MTHFD1L: variants seen among roughly 807,000 people sequenced by gnomAD.
The protein encoded by MTHFD1L is monofunctional C1-tetrahydrofolate synthase, mitochondrial.
A neutral mutation model predicts 119.5 loss-of-function variants in MTHFD1L; 81 were observed. That is an observed-to-expected ratio of 0.68 (90% CI 0.57 to 0.82). The LOEUF is 0.82. MTHFD1L is among the 40% of genes least tolerant of loss of function. The pLI is 0.00. For synonymous variants in MTHFD1L, 430 were observed against 475.2 expected (o/e 0.90, Z 1.24); for missense variants, 1,125 against 1,253.4 (o/e 0.90, Z 1.55).
intron 4 of MTHFD1L, among the ~76,000 whole-genome samples, chr6:150,880,386 C>T (rs148884657): frequency 2.4e-4 from 36 of 152,316 alleles, no homozygotes; most frequent in African/African-American, 8.7e-4. Context: ...GCTTATTTCA[C>T]TTCATGTTAT....
intron 7 of MTHFD1L, among the ~76,000 whole-genome samples, chr6:150,895,614 T>G (rs1008715052): frequency 2.7e-4 from 5 of 18,686 alleles, no homozygotes; most frequent in African/African-American, 9.8e-4. Flanking sequence ...TTTTTTGTGG[T>G]TTTTTTTTTT....
At chr6:151,051,184 C>T (rs555962937) in intron 26 of MTHFD1L, among the ~76,000 whole-genome samples, 1 of 152,178 alleles carries the variant, frequency 6.6e-6, no homozygotes, top group Non-Finnish European at 1.5e-5. Context: ...TCACCCCTAT[C>T]AGAAATTTCA....
chr6:150,917,368 CAAAAATT>C (rs979366263), intron 8 of MTHFD1L, among the ~76,000 whole-genome samples: 2 of 151,942 alleles, frequency 1.3e-5, no homozygotes, highest in Non-Finnish European at 2.9e-5. Flanking sequence ...ACTAAAAATA[CAAAAATT>C]AGCCGGGAGT....
intron 20 of MTHFD1L, among the ~76,000 whole-genome samples, chr6:151,002,896 G>A (rs1029394974): frequency 4.6e-5 from 7 of 152,154 alleles, no homozygotes; most frequent in Non-Finnish European, 7.4e-5. Flanking sequence ...CCTTGTTGGC[G>A]GGGGGAGGGT....
chr6:150,959,434 A>G (rs1796115724), intron 17 of MTHFD1L, among the ~76,000 whole-genome samples: 1 of 152,230 alleles, frequency 6.6e-6, no homozygotes, highest in Admixed American at 6.5e-5. Flanking sequence ...AGGAGGAGGA[A>G]GTACACATTC....
intron 8 of MTHFD1L, among the ~76,000 whole-genome samples, chr6:150,913,206 G>A (rs562315583): frequency 1.3e-5 from 2 of 152,054 alleles, no homozygotes; most frequent in South Asian, 2.1e-4. Context: ...CCTCCCCCAG[G>A]CTGGAGTGCA....
chr6:151,021,155 C>A (rs1279908534), intron 24 of MTHFD1L, among the ~76,000 whole-genome samples: 1 of 152,212 alleles, frequency 6.6e-6, no homozygotes, highest in Non-Finnish European at 1.5e-5. Context: ...GCCTCAGCAT[C>A]CTCATTTGTA....
chr6:151,015,312 C>A (rs554191985), intron 23 of MTHFD1L, among the ~76,000 whole-genome samples: 25 of 146,860 alleles, frequency 1.7e-4, no homozygotes, highest in African/African-American at 6.4e-4. Context: ...ACACCCTTAA[C>A]GACTTGAAAT....
chr6:150,972,401 G>T (rs1417561781), intron 20 of MTHFD1L, among the ~76,000 whole-genome samples: 1 of 152,210 alleles, frequency 6.6e-6, no homozygotes, highest in Non-Finnish European at 1.5e-5. Context: ...TTTTAGGGTT[G>T]TTATGAAAAC....
intron 24 of MTHFD1L, among the ~76,000 whole-genome samples, chr6:151,021,815 A>C (rs367706268): frequency 6.6e-6 from 1 of 152,252 alleles, no homozygotes; most frequent in East Asian, 1.9e-4. Flanking sequence ...GTGATATCAT[A>C]AAACATCAGT....
chr6:151,062,311 A>C (rs1320452025), intron 26 of MTHFD1L, among the ~76,000 whole-genome samples: 2 of 152,056 alleles, frequency 1.3e-5, no homozygotes, highest in Admixed American at 6.6e-5. Flanking sequence ...GGTGGCGTGC[A>C]CCTGTAGTCC....
At chr6:150,910,014 C>T (rs758472142) in intron 8 of MTHFD1L, among the ~76,000 whole-genome samples, 1 of 151,938 alleles carries the variant, frequency 6.6e-6, no homozygotes, top group Non-Finnish European at 1.5e-5. Context: ...AACCTCATCT[C>T]TATTAAAAAT....
At chr6:150,986,449 C>T (rs1778308566) in intron 20 of MTHFD1L, among the ~76,000 whole-genome samples, 1 of 152,160 alleles carries the variant, frequency 6.6e-6, no homozygotes, top group Admixed American at 6.5e-5. Flanking sequence ...CTTTTTGGCA[C>T]CAGGGACCGG....
At chr6:150,910,572 G>C (rs199715365) in intron 8 of MTHFD1L, among the ~76,000 whole-genome samples, 1 of 147,768 alleles carries the variant, frequency 6.8e-6, no homozygotes, top group Non-Finnish European at 1.5e-5. Flanking sequence ...AAAAAAAAAA[G>C]AAATTCTTAA....
In MTHFD1L at chr6:151,085,153, G is replaced by A. The variant is rs1045327080; in HGVS notation, c.2848-7314G>A. 6.6e-5 allele frequency among the ~76,000 whole-genome samples: 10 copies of A among 151,488 alleles called. No homozygotes were observed. In the East Asian group the frequency reaches 1.4e-3, roughly 21 times the overall value. On this transcript the variant is annotated intron_variant, in intron 26 of 27. Transcript: ENST00000367321. The stretch of plus-strand genomic sequence containing the variant: ...TTTGCAGAGGTTACCTCTGGAAGCA[G>A]TATTAGAAGTGGAGGACTTTTTTCT...
In MTHFD1L at chr6:151,020,604, A is replaced by G. The variant is rs78115680; in HGVS notation, c.2586+4911A>G. On this transcript the variant is annotated intron_variant, in intron 24 of 27. Transcript: ENST00000367321. The stretch of plus-strand genomic sequence containing the variant: ...GAATAAAGATTGAAAAATATGGAAT[A>G]AGGTGTAGTAGACTAATTGCTCAGA... 8.3e-3 allele frequency among the ~76,000 whole-genome samples: 1,258 copies of G among 152,316 alleles called. 9 individuals carry two copies. The highest frequency in any genetic ancestry group is 0.011 in the Admixed American group (164 of 15,278).
At chr6:150,912,660 T>C (rs756478910) in intron 8 of MTHFD1L, 4 of 501,214 alleles carry the variant, frequency 8.0e-6, no homozygotes, top group South Asian at 6.0e-5. Context: ...TAAATTTTCT[T>C]TTTGCAGAAA....
chr6:150,885,774 T>C, intron 6 of MTHFD1L, 40 bp downstream of exon 6: 1 of 1,466,974 alleles, frequency 6.8e-7, no homozygotes, highest in African/African-American at 1.4e-5. Flanking sequence ...TTTCTATTTA[T>C]TGGTATTTAC....
rs1308842981 is a variant in MTHFD1L, at chr6:151,100,590, C to T, written c.*32-936C>T. ...GATTAAAGGCAACATATTGCATTTA[C>T]ATTTTAGAGAGGTGAACACATTATT... On this transcript the variant is annotated intron_variant, in intron 27 of 27. Transcript: ENST00000367321. Among the ~76,000 whole-genome samples, 5 of 150,708 alleles carry T rather than the reference C, an allele frequency of 3.3e-5. No individual in the cohort carries two copies. The East Asian group carries it at 5.8e-4, about 18-fold the overall frequency.
Sources: allele counts gnomAD v4.1 joint callset (sites outside exome capture counted in the v4.1 genomes callset), GRCh38; gene constraint gnomAD v4.1.1; transcripts MANE v1.5; gene names NCBI Gene and HGNC (gene_info 2026-07-23, HGNC 2026-07-21).